RAB10: variants seen among roughly 807,000 people sequenced by gnomAD.
The protein encoded by RAB10 is ras-related protein Rab-10.
RAB10 carries 5 observed loss-of-function variants against 25.7 expected under a neutral mutation model. That is an observed-to-expected ratio of 0.19 (90% confidence interval 0.10 to 0.41). RAB10 has a LOEUF of 0.41. Ranked by LOEUF, RAB10 falls within the 10% of genes least tolerant of loss-of-function variation. The pLI is 1.00. For synonymous variants in RAB10, 89 were observed against 86.4 expected (o/e 1.03, Z -0.16); for missense variants, 103 against 245.8 (o/e 0.42, Z 3.89).
Position 26,137,444 on chromosome 2 carries a change from CTT to C in RAB10, c.*2424_*2425del, listed in dbSNP as rs1363821966. The C allele has an allele frequency of 6.6e-6, 1 of 152,534 alleles. No individual in the cohort carries two copies. The highest frequency in any genetic ancestry group is 1.5e-5 in the Non-Finnish European group (1 of 68,026). The allele number at this position is 152,534 out of a possible 1,614,324, so 9.4% of individuals were successfully genotyped here. ...TACTTCTGTTCATATAAAAACAAAA[CTT>C]GATTTCCAGCTGTGTGGTTTGGTTT... On this transcript the variant is annotated 3_prime_UTR_variant, in exon 6 of 6. Transcript: ENST00000264710.
intron 1 of RAB10, among the ~76,000 whole-genome samples, chr2:26,040,423 G>A (rs1665859102): frequency 6.6e-6 from 1 of 152,046 alleles, no homozygotes; most frequent in South Asian, 2.1e-4. Context: ...CAGCACTTTG[G>A]GAGGCTGAGT....
intron 1 of RAB10, among the ~76,000 whole-genome samples, chr2:26,076,526 TTTGGAAGGTGCC>T (rs1472379956): frequency 6.6e-6 from 1 of 152,156 alleles, no homozygotes. Context: ...AACACCTTAT[TTTGGAAGGTGCC>T]CCCAAAGTAT....
chr2:26,034,802 C>A, intron 1 of RAB10, 67 bp downstream of exon 1: 1 of 1,584,040 alleles, frequency 6.3e-7, no homozygotes, highest in Non-Finnish European at 8.6e-7. Context: ...CTCCAGACAT[C>A]TTGCTTCCCG....
At chr2:26,079,869 T>G (rs1666830813) in intron 1 of RAB10, among the ~76,000 whole-genome samples, 1 of 152,178 alleles carries the variant, frequency 6.6e-6, no homozygotes, top group Admixed American at 6.5e-5. Context: ...TCTCATTATG[T>G]TGCCCAGGCT....
At chr2:26,127,115 T>A in intron 3 of RAB10, 29 bp from the exon 4 acceptor site, 2 of 1,526,066 alleles carry the variant, frequency 1.3e-6, no homozygotes, top group Non-Finnish European at 1.8e-6. Context: ...CATGGTAGTA[T>A]GTAAAAGTAA....
At chr2:26,070,476 A>G (rs7556988) in intron 1 of RAB10, among the ~76,000 whole-genome samples, 1 of 152,166 alleles carries the variant, frequency 6.6e-6, no homozygotes, top group African/African-American at 2.4e-5. Context: ...TCGTTTCATC[A>G]TACTTAAAAT....
intron 3 of RAB10, among the ~76,000 whole-genome samples, chr2:26,111,907 C>G (rs995251386): frequency 1.3e-5 from 2 of 152,208 alleles, no homozygotes; most frequent in African/African-American, 4.8e-5. Context: ...GGCTTACCCA[C>G]ATTTCTGCCT....
chr2:26,100,816 TA>T (rs1489006901), intron 2 of RAB10, among the ~76,000 whole-genome samples: 5 of 152,138 alleles, frequency 3.3e-5, no homozygotes, highest in African/African-American at 1.2e-4. Flanking sequence ...ACCATGAACT[TA>T]AATTATGTTT....
At chr2:26,084,243 C>A (rs191465890) in intron 1 of RAB10, among the ~76,000 whole-genome samples, 3 of 152,146 alleles carry the variant, frequency 2.0e-5, no homozygotes, top group Admixed American at 1.3e-4. Context: ...TCCTCCTGTT[C>A]TTGTTCATAG....
rs1008707481 is a variant in RAB10 at position 26,034,648 on chromosome 2, C to T, written c.40C>T (p.Leu14=). The T allele has an allele frequency of 1.9e-6, 3 of 1,614,100 alleles. No homozygotes were observed. The highest frequency in any genetic ancestry group is 1.3e-5 in the African/African-American group (1 of 74,962). ...GTACGACCTGCTTTTCAAGCTGCTC[C>T]TGATCGGGGATTCCGGAGTGGGGAA... The part of the protein sequence containing the change: ...KTYDLLFKLL[L]IGDSGVGKTC... Residue 14 remains leucine (L), a synonymous_variant, in exon 1 of 6, where the codon CTG becomes TTG. Coordinates refer to ENST00000264710, the MANE Select transcript of RAB10 (RefSeq NM_016131.5).
chr2:26,108,777 A>C (rs756787270), intron 2 of RAB10, among the ~76,000 whole-genome samples: 8 of 152,150 alleles, frequency 5.3e-5, no homozygotes, highest in Non-Finnish European at 8.8e-5. Context: ...ACTTCCTGTA[A>C]GGCTGTAATT....
intron 1 of RAB10, among the ~76,000 whole-genome samples, chr2:26,054,198 C>T (rs1256437110): frequency 6.6e-6 from 1 of 151,736 alleles, no homozygotes; most frequent in Non-Finnish European, 1.5e-5. Context: ...CAGGCGCCCA[C>T]CGCCACGCCC....
intron 1 of RAB10, among the ~76,000 whole-genome samples, chr2:26,066,293 T>C (rs1285746356): frequency 6.6e-6 from 1 of 152,202 alleles, no homozygotes; most frequent in African/African-American, 2.4e-5. Context: ...AAAAGATTAA[T>C]TTAGAAGAAC....
intron 3 of RAB10, among the ~76,000 whole-genome samples, chr2:26,121,957 CAA>C (rs1164511253): frequency 6.6e-6 from 1 of 152,158 alleles, no homozygotes; most frequent in Non-Finnish European, 1.5e-5. Flanking sequence ...ATATTGCAAT[CAA>C]AAGAGGTCTT....
chr2:26,131,435 C>T (rs1668011540), intron 5 of RAB10, among the ~76,000 whole-genome samples: 2 of 152,160 alleles, frequency 1.3e-5, no homozygotes, highest in African/African-American at 4.8e-5. Flanking sequence ...TTTTCATACA[C>T]ATCCATACAC....
At chr2:26,075,584 T>C (rs1666715671) in intron 1 of RAB10, among the ~76,000 whole-genome samples, 1 of 152,094 alleles carries the variant, frequency 6.6e-6, no homozygotes, top group African/African-American at 2.4e-5. Flanking sequence ...AACTGAAAGC[T>C]AGAAGGGGAG....
chr2:26,075,512 G>A (rs1418904421), intron 1 of RAB10, among the ~76,000 whole-genome samples: 2 of 151,974 alleles, frequency 1.3e-5, no homozygotes, highest in East Asian at 3.9e-4. Flanking sequence ...ATTAAAAAAA[G>A]CTCAAGAACA....
In RAB10 at chr2:26,098,779, A is replaced by G. The variant is rs1667281946; in HGVS notation, c.188+57A>G. On this transcript the variant is annotated intron_variant, in intron 2 of 5. Coordinates refer to ENST00000264710, the MANE Select transcript of RAB10 (RefSeq NM_016131.5). ...AATGTCAGGTTCCTTAAGGTTTCAC[A>G]GTGAAATTCTTTTTTGTCACAGGTT... 3.6e-6 allele frequency: 5 copies of G among 1,392,690 alleles called. No homozygotes were observed. In the South Asian group the frequency reaches 6.4e-5, roughly 18 times the overall value. 86.3% of individuals were successfully genotyped at this position (1,392,690 alleles called of 1,614,324 possible). A position where few individuals can be genotyped will look rare whatever the true frequency, so the allele number is the denominator to read the frequency against.
chr2:26,100,191 A>G (rs1667314344), intron 2 of RAB10, among the ~76,000 whole-genome samples: 1 of 152,248 alleles, frequency 6.6e-6, no homozygotes, highest in Admixed American at 6.5e-5. Context: ...AATCCAGTCC[A>G]GCAGGTCAAA....
Sources: allele counts gnomAD v4.1 joint callset (sites outside exome capture counted in the v4.1 genomes callset), GRCh38; gene constraint gnomAD v4.1.1; transcripts MANE v1.5; gene names NCBI Gene and HGNC (gene_info 2026-07-23, HGNC 2026-07-21).